The following PARD3 variants were observed in gnomAD, a reference collection of about 807,000 sequenced individuals.
The protein encoded by PARD3 is par-3 family cell polarity regulator.
PARD3 carries 75 observed loss-of-function variants against 155.4 expected under a neutral mutation model. The observed-to-expected ratio is 0.48, with a 90% CI of 0.40 to 0.58. The LOEUF is 0.58. PARD3 is among the 20% of genes least tolerant of loss of function. The pLI, the probability that PARD3 is intolerant of heterozygous loss-of-function variation, is 0.00. For synonymous variants in PARD3, 576 were observed against 610.5 expected, an observed-to-expected ratio of 0.94 and a Z score of 0.83; for missense variants, 1,642 against 1,721.7, an observed-to-expected ratio of 0.95 and a Z score of 0.82.
chr10:34,142,656 A>C (rs527510629), intron 22 of PARD3, among the ~76,000 whole-genome samples: 10 of 151,902 alleles, frequency 6.6e-5, no homozygotes, highest in African/African-American at 2.2e-4. Flanking sequence ...GGAAGGAAGG[A>C]AGGCAGGAAG....
At chr10:34,663,388 C>T (rs772874496) in intron 2 of PARD3, among the ~76,000 whole-genome samples, 2 of 152,104 alleles carry the variant, frequency 1.3e-5, no homozygotes, top group Non-Finnish European at 2.9e-5. Flanking sequence ...ATTGCTTGAA[C>T]TCGGGAGGCG....
intron 5 of PARD3, among the ~76,000 whole-genome samples, chr10:34,418,697 A>G (rs943643408): frequency 6.6e-6 from 1 of 152,194 alleles, no homozygotes; most frequent in Non-Finnish European, 1.5e-5. Context: ...TGTAGTTGAC[A>G]TAAAAACATT....
At chr10:34,306,563 C>T (rs61840257) in intron 20 of PARD3, among the ~76,000 whole-genome samples, 9,030 of 151,620 alleles carry the variant, frequency 0.06, 277 homozygotes, top group Non-Finnish European at 0.065. Context: ...GCAGGAGAAT[C>T]GCTTGAACCT....
At chr10:34,525,125 A>G (rs532049446) in intron 2 of PARD3, among the ~76,000 whole-genome samples, 1 of 152,218 alleles carries the variant, frequency 6.6e-6, no homozygotes, top group African/African-American at 2.4e-5. Flanking sequence ...GCAAAAGGAT[A>G]TATTTGAACC....
chr10:34,746,270 C>A (rs1312814658), intron 1 of PARD3, among the ~76,000 whole-genome samples: 1 of 151,094 alleles, frequency 6.6e-6, no homozygotes, highest in Non-Finnish European at 1.5e-5. Context: ...AAGTGAGATT[C>A]TGTCTCTACA....
chr10:34,439,091 AC>A (rs2076333727), intron 5 of PARD3, among the ~76,000 whole-genome samples: 1 of 152,236 alleles, frequency 6.6e-6, no homozygotes, highest in Non-Finnish European at 1.5e-5. Flanking sequence ...TACAAAAGCA[AC>A]GTCCTAATAC....
At chr10:34,662,871 G>GGAAAAAAAAAAAA (rs2093357759) in intron 2 of PARD3, among the ~76,000 whole-genome samples, 5 of 123,628 alleles carry the variant, frequency 4.0e-5, no homozygotes, top group African/African-American at 1.5e-4. Context: ...AACTGTCTCA[G>GGAAAAAAAAAAAA]AAAAAAAAAA....
chr10:34,730,144 TCAGA>T (rs1206180301), intron 1 of PARD3, among the ~76,000 whole-genome samples: 1 of 152,064 alleles, frequency 6.6e-6, no homozygotes, highest in African/African-American at 2.4e-5. Flanking sequence ...GATACCAAAA[TCAGA>T]CAAATATGTA....
chr10:34,718,525 TG>T (rs1009696967), intron 1 of PARD3, among the ~76,000 whole-genome samples: 2 of 151,892 alleles, frequency 1.3e-5, no homozygotes, highest in Non-Finnish European at 2.9e-5. Context: ...CCAGGCATGG[TG>T]GTGCATGCCT....
intron 5 of PARD3, among the ~76,000 whole-genome samples, chr10:34,407,738 CA>C (rs537608075): frequency 2.4e-3 from 359 of 151,988 alleles, no homozygotes; most frequent in Non-Finnish European, 3.8e-3. Context: ...GAGACTGAGA[CA>C]GGGGGATCAC....
chr10:34,355,924 CAAAAA>C (rs869284165), intron 14 of PARD3, among the ~76,000 whole-genome samples: 3 of 42,744 alleles, frequency 7.0e-5, no homozygotes, highest in South Asian at 1.5e-3. Flanking sequence ...CACTCCGTCT[CAAAAA>C]AAAAAAAAAA....
chr10:34,236,963 G>T (rs1000519185), intron 22 of PARD3, among the ~76,000 whole-genome samples: 1 of 152,142 alleles, frequency 6.6e-6, no homozygotes, highest in Non-Finnish European at 1.5e-5. Flanking sequence ...CATAAAATTA[G>T]ATCCTCTACA....
At chr10:34,584,554 G>A (rs1348462438) in intron 2 of PARD3, among the ~76,000 whole-genome samples, 1 of 152,132 alleles carries the variant, frequency 6.6e-6, no homozygotes. Flanking sequence ...AAAAAGAGAG[G>A]TACATGGTGT....
intron 22 of PARD3, among the ~76,000 whole-genome samples, chr10:34,163,475 G>C (rs1263053798): frequency 6.6e-6 from 1 of 152,208 alleles, no homozygotes; most frequent in Non-Finnish European, 1.5e-5. Context: ...GTTTGGCTGG[G>C]ACACAGAACA....
At chr10:34,674,604 A>G (rs888213952) in intron 2 of PARD3, among the ~76,000 whole-genome samples, 2 of 149,052 alleles carry the variant, frequency 1.3e-5, no homozygotes, top group Non-Finnish European at 3.0e-5. Context: ...CTCCTGCCTC[A>G]GGCTCCCAAG....
At chr10:34,712,722 G>A (rs150916836) in intron 1 of PARD3, among the ~76,000 whole-genome samples, 23 of 152,044 alleles carry the variant, frequency 1.5e-4, no homozygotes, top group Middle Eastern at 6.8e-3. Flanking sequence ...TTTTTTAAGG[G>A]GGTACACATG....
Position 34,395,859 on chromosome 10 carries a change from A to G in PARD3, c.890+3471T>C, listed in dbSNP as rs1188966540. Reference sequence around the variant, plus strand: ...ACTCCGTCTCAAAAAAAAAAAAAAAAAAAAAAAAGAAAAACATCATCATGG... The same window carrying G: ...ACTCCGTCTCAAAAAAAAAAAAAAAGAAAAAAAAGAAAAACATCATCATGG... On this transcript the variant is annotated intron_variant, in intron 7 of 24. Coordinates refer to ENST00000374788, the MANE Select transcript of PARD3 (RefSeq NM_001184785.2). Among the ~76,000 whole-genome samples, 15 of 151,240 alleles carry G rather than the reference A, an allele frequency of 9.9e-5. 6 individuals are homozygous for G. The highest frequency in any genetic ancestry group is 1.9e-4 in the Non-Finnish European group (13 of 67,834).
chr10:34,184,993 T>C (rs553226069), intron 22 of PARD3, among the ~76,000 whole-genome samples: 32 of 152,172 alleles, frequency 2.1e-4, no homozygotes, highest in Non-Finnish European at 4.4e-4. Context: ...GAGTATTTAT[T>C]GCTACTTCCT....
chr10:34,563,008 C>A (rs1468096008), intron 2 of PARD3, among the ~76,000 whole-genome samples: 1 of 152,074 alleles, frequency 6.6e-6, no homozygotes, highest in African/African-American at 2.4e-5. Flanking sequence ...CGCCTTTAAG[C>A]AATTCTTCAA....
Sources: allele counts gnomAD v4.1 joint callset (sites outside exome capture counted in the v4.1 genomes callset), GRCh38; gene constraint gnomAD v4.1.1; transcripts MANE v1.5; gene names NCBI Gene and HGNC (gene_info 2026-07-23, HGNC 2026-07-21).